The following H2BC18 variants were observed in gnomAD, a reference collection of about 807,000 sequenced individuals.
H2BC18 encodes the protein histone H2B type 2-F.
Under a neutral mutation model 6.3 loss-of-function variants are expected in H2BC18, and 8 were observed. That is an observed-to-expected ratio of 1.28 (90% CI 0.75 to 2.31). H2BC18 has a LOEUF of 2.31. H2BC18 is among the 30% of genes most tolerant of loss of function. The probability of loss-of-function intolerance (pLI) is 0.00; values close to 1 mark genes in which losing one functional copy is unlikely to be tolerated. For missense variants in H2BC18, 106 were observed against 174.5 expected (o/e 0.61, Z 2.21); for synonymous variants, 104 against 78.1 (o/e 1.33, Z -1.75).
chr1:149,810,309 A>G (rs1359277887), downstream of H2BC18: 1 of 151,828 alleles, frequency 6.6e-6, no homozygotes, highest in Non-Finnish European at 1.5e-5. Flanking sequence ...GAAATTTTGG[A>G]TTCTCAGTTA....
At chr1:149,806,557 C>T (rs2091919138) in intron 1 of H2BC18, among the ~76,000 whole-genome samples, 1 of 151,408 alleles carries the variant, frequency 6.6e-6, no homozygotes, top group Admixed American at 6.6e-5. Flanking sequence ...CACTGCACTC[C>T]AGCCTGGACA....
At chr1:149,799,702 C>T (rs587753691) in intron 1 of H2BC18, among the ~76,000 whole-genome samples, 13 of 152,300 alleles carry the variant, frequency 8.5e-5, no homozygotes, top group African/African-American at 3.1e-4. Context: ...GAGTTTGGAA[C>T]ATCTGGATCT....
chr1:149,801,801 G>T (rs1912342), intron 1 of H2BC18, among the ~76,000 whole-genome samples: 2,576 of 138,362 alleles, frequency 0.019, 30 homozygotes, highest in African/African-American at 0.044. Flanking sequence ...GTAATTCATA[G>T]GTTATTTCCT....
chr1:149,787,920 G>A, intron 1 of H2BC18: 2 of 241,250 alleles, frequency 8.3e-6, no homozygotes, highest in South Asian at 1.0e-4. Flanking sequence ...AGTTCAGGAG[G>A]AGACTTTCCA....
chr1:149,798,805 G>T (rs1464744636), intron 1 of H2BC18, among the ~76,000 whole-genome samples: 1 of 152,066 alleles, frequency 6.6e-6, no homozygotes, highest in Non-Finnish European at 1.5e-5. Context: ...AGAGACAGGG[G>T]TCTTGCTTTG....
At chr1:149,796,045 A>G (rs1553752750) in intron 1 of H2BC18, among the ~76,000 whole-genome samples, 1 of 151,870 alleles carries the variant, frequency 6.6e-6, no homozygotes, top group South Asian at 2.1e-4. Flanking sequence ...TTCTTTGTTA[A>G]TGCACATTGG....
intron 1 of H2BC18, among the ~76,000 whole-genome samples, chr1:149,796,509 G>A (rs1416574893): frequency 6.6e-6 from 1 of 152,194 alleles, no homozygotes; most frequent in Non-Finnish European, 1.5e-5. Context: ...CTTCGAAGAG[G>A]AGAAATGAGC....
intron 1 of H2BC18, among the ~76,000 whole-genome samples, chr1:149,802,365 A>T (rs2091881038): frequency 1.3e-5 from 2 of 152,134 alleles, no homozygotes. Context: ...TAATCAGCAT[A>T]CCTTTCTCCT....
At chr1:149,806,047 T>C (rs1251364995) in intron 1 of H2BC18, among the ~76,000 whole-genome samples, 3 of 152,150 alleles carry the variant, frequency 2.0e-5, no homozygotes, top group African/African-American at 7.2e-5. Context: ...GGGCAACACA[T>C]ACATATTCTT....
At position 149,812,033 on chromosome 1, in the gene H2BC18, C is replaced by A. The variant is rs868911791; in HGVS notation, c.291G>T (p.Thr97=). Residue 97 remains threonine (T), a synonymous_variant, in exon 1 of 1, where the codon ACG becomes ACT. Transcript: ENST00000369167. ...CGCCGGGCAGCAGCAGGCGCACGGC[C>A]GTCTGGATCTCGCGGGATGTGATGG... is the stretch of plus-strand genomic sequence containing the variant. ...RSTITSREIQ[T]AVRLLLPGEL... is the part of the protein sequence containing the mutation. The A allele has an allele frequency of 3.1e-6, 5 of 1,614,222 alleles. No homozygotes were observed. The highest frequency in any genetic ancestry group is 1.1e-5 in the South Asian group (1 of 91,082).
At chr1:149,785,407 CGTTTTT>C (rs1284978792) in intron 1 of H2BC18, among the ~76,000 whole-genome samples, 5 of 74,544 alleles carry the variant, frequency 6.7e-5, no homozygotes, top group East Asian at 3.3e-4. Flanking sequence ...AGAGCTGTTT[CGTTTTT>C]TTTTTTTTTT....
intron 1 of H2BC18, chr1:149,793,069 G>A (rs1553752333): frequency 3.1e-6 from 4 of 1,270,442 alleles, no homozygotes; most frequent in Non-Finnish European, 4.1e-6. Context: ...CCTGGCGGCC[G>A]TCTGTGGAGG....
intron 1 of H2BC18, chr1:149,788,238 C>T (rs2091603042): frequency 6.2e-7 from 1 of 1,604,402 alleles, no homozygotes; most frequent in East Asian, 2.2e-5. Context: ...TGGATATAGG[C>T]CTGAGATTTG....
chr1:149,787,866 G>GCACTCT (rs2091594313), intron 1 of H2BC18: 1 of 195,022 alleles, frequency 5.1e-6, no homozygotes, highest in Non-Finnish European at 1.1e-5. Flanking sequence ...TTGCCTTGTG[G>GCACTCT]CACTCTTGTA....
chr1:149,797,442 C>T (rs1365555527), intron 1 of H2BC18, among the ~76,000 whole-genome samples: 26 of 151,944 alleles, frequency 1.7e-4, no homozygotes, highest in South Asian at 1.2e-3. Flanking sequence ...AGTAAGTTTA[C>T]GGAAGGATTA....
At chr1:149,784,550 AATT>A (rs1470140257) in intron 1 of H2BC18, among the ~76,000 whole-genome samples, 44 of 152,024 alleles carry the variant, frequency 2.9e-4, no homozygotes, top group African/African-American at 1.1e-3. Context: ...AAATAATAAT[AATT>A]CAAACAAATG....
At position 149,812,236 on chromosome 1, in the gene H2BC18, G is replaced by A. The variant is rs1433114665; in HGVS notation, c.88C>T (p.Arg30Cys). The A allele has an allele frequency of 3.7e-6, 6 of 1,614,288 alleles. No homozygotes were observed. Among genetic ancestry groups the A allele is most frequent in the Non-Finnish European group, 5.1e-6 (6 of 1,180,050 alleles). ...TAGCTCTCCTTGCGGCTGCGCTTGC[G>A]CTTCTTGCCGTCCTTCTTCTGCACT... is the stretch of plus-strand genomic sequence containing the variant. ...TKVQKKDGKK[R>C]KRSRKESYSV... is the part of the protein sequence containing the mutation. Residue 30 changes from arginine (R) to cysteine (C), a missense_variant, in exon 1 of 1, where the codon CGC becomes TGC. By Grantham distance (180) the Arg-to-Cys change is radical. Around this residue, in one of 3 missense-constraint regions of H2BC18, gnomAD observed 70 missense variants for 64.6 expected, o/e 1.08. Coordinates refer to ENST00000369167, the MANE Select transcript of H2BC18 (RefSeq NM_001024599.5).
At chr1:149,797,108 T>C (rs1571408521) in intron 1 of H2BC18, among the ~76,000 whole-genome samples, 1 of 152,232 alleles carries the variant, frequency 6.6e-6, no homozygotes, top group Non-Finnish European at 1.5e-5. Context: ...AGACGAGGTT[T>C]CACCATCTTG....
intron 1 of H2BC18, among the ~76,000 whole-genome samples, chr1:149,802,401 G>A (rs2091881356): frequency 6.6e-6 from 1 of 151,962 alleles, no homozygotes; most frequent in Non-Finnish European, 1.5e-5. Flanking sequence ...TATAATATGG[G>A]TCTTAAGTAA....
Sources: allele counts gnomAD v4.1 joint callset (sites outside exome capture counted in the v4.1 genomes callset), GRCh38; gene constraint gnomAD v4.1.1; regional missense constraint gnomAD v4.1.1; transcripts MANE v1.5; gene names NCBI Gene and HGNC (gene_info 2026-07-23, HGNC 2026-07-21).